Variants in CDK8 observed in about 807,000 individuals in gnomAD.
CDK8 encodes the protein cyclin-dependent kinase 8.
In CDK8, 29 loss-of-function variants were observed where a neutral mutation model predicts 71.5. The observed-to-expected ratio is 0.41, with a 90% confidence interval of 0.30 to 0.55. The LOEUF (loss-of-function observed/expected upper bound fraction) is 0.55, where lower values mean the gene tolerates loss of function less well. Among genes scored for constraint, CDK8 ranks in the 20% least tolerant of loss-of-function variants. The probability of loss-of-function intolerance (pLI) is 0.37; values close to 1 mark genes in which losing one functional copy is unlikely to be tolerated. For synonymous variants in CDK8, 161 were observed against 192.1 expected (o/e 0.84, Z 1.34); for missense variants, 288 against 572.6 (o/e 0.50, Z 5.07).
chr13:26,288,599 AAC>A lies in CDK8; in HGVS notation c.128+33838_128+33839del, dbSNP rs370223310. Among the ~76,000 whole-genome samples the A allele has an allele frequency of 2.0e-4, 31 of 151,604 alleles. No homozygotes were observed. The East Asian group carries it at 4.8e-3, about 24-fold the overall frequency. On this transcript the variant is annotated intron_variant, in intron 1 of 12. Transcript: ENST00000381527. ...TTTCTACCCCACCCCACCCCCCACA[AAC>A]ACACACATAAACACACTACTAGGAT...
chr13:26,322,108 A>T (rs1220683957), intron 1 of CDK8, among the ~76,000 whole-genome samples: 1 of 152,124 alleles, frequency 6.6e-6, no homozygotes, highest in African/African-American at 2.4e-5. Flanking sequence ...TTACAGAGAA[A>T]TGGGCCTTTT....
At chr13:26,301,469 G>A (rs574526863) in intron 1 of CDK8, among the ~76,000 whole-genome samples, 16 of 152,246 alleles carry the variant, frequency 1.1e-4, no homozygotes, top group Non-Finnish European at 2.2e-4. Context: ...AAGAAAGAAT[G>A]TTCCTCTGTT....
intron 2 of CDK8, among the ~76,000 whole-genome samples, chr13:26,338,189 G>T (rs1395951249): frequency 6.6e-6 from 1 of 152,004 alleles, no homozygotes; most frequent in Non-Finnish European, 1.5e-5. Context: ...CATTTAAACT[G>T]AGTGTTACTT....
At chr13:26,317,541 C>A (rs932998204) in intron 1 of CDK8, among the ~76,000 whole-genome samples, 9 of 152,050 alleles carry the variant, frequency 5.9e-5, no homozygotes, top group African/African-American at 2.2e-4. Context: ...ATATGTTAGA[C>A]CACAGATTGA....
intron 1 of CDK8, among the ~76,000 whole-genome samples, chr13:26,263,964 G>A (rs1871907496): frequency 6.8e-6 from 1 of 146,972 alleles, no homozygotes; most frequent in African/African-American, 2.5e-5. Context: ...AGCCAGGATG[G>A]TCTTGATCTC....
chr13:26,373,406 A>C (rs563346120), intron 4 of CDK8, among the ~76,000 whole-genome samples: 1 of 152,334 alleles, frequency 6.6e-6, no homozygotes, highest in East Asian at 1.9e-4. Context: ...ACTGCTGGAC[A>C]TAATTACAGC....
At chr13:26,279,432 A>G (rs1872664043) in intron 1 of CDK8, among the ~76,000 whole-genome samples, 2 of 152,072 alleles carry the variant, frequency 1.3e-5, no homozygotes, top group South Asian at 4.1e-4. Flanking sequence ...GGGACAGCCC[A>G]TTGTTTTTGC....
intron 1 of CDK8, among the ~76,000 whole-genome samples, chr13:26,260,048 G>T (rs1256257206): frequency 6.6e-6 from 1 of 152,112 alleles, no homozygotes; most frequent in Non-Finnish European, 1.5e-5. Flanking sequence ...AGACAGGGAA[G>T]GTCTCATCAG....
chr13:26,323,298 T>TGA lies in CDK8; in HGVS notation c.129-14241_129-14240dup, dbSNP rs10523917. The stretch of plus-strand genomic sequence containing the variant: ...TGTCTTCTCACTGTGTCCTCACATG[T>TGA]GAGAGAGAGAGAGAGAGAGAGAGAG... On this transcript the variant is annotated intron_variant, in intron 1 of 12. Transcript: ENST00000381527. Among the ~76,000 whole-genome samples, 87 of 132,180 alleles carry TGA rather than the reference T, an allele frequency of 6.6e-4. 2 individuals carry two copies. In the South Asian group the frequency reaches 0.01, roughly 15 times the overall value. 86.7% of individuals were successfully genotyped at this position (132,180 alleles called of 152,430 possible).
chr13:26,399,278 G>A (rs1876143578), intron 9 of CDK8, among the ~76,000 whole-genome samples: 1 of 152,142 alleles, frequency 6.6e-6, no homozygotes, highest in Non-Finnish European at 1.5e-5. Context: ...CCAAAGTGCT[G>A]GGATTACAGG....
At chr13:26,316,375 A>G (rs74040499) in intron 1 of CDK8, among the ~76,000 whole-genome samples, 9,800 of 152,182 alleles carry the variant, frequency 0.064, 1,032 homozygotes, top group African/African-American at 0.22. Flanking sequence ...CAACAACAGT[A>G]AAAAGAGAGA....
intron 1 of CDK8, among the ~76,000 whole-genome samples, chr13:26,259,021 C>T (rs1204059342): frequency 6.6e-6 from 1 of 152,178 alleles, no homozygotes; most frequent in Admixed American, 6.5e-5. Flanking sequence ...CACAAAGGAA[C>T]TCTTCTGATT....
chr13:26,310,740 C>G lies in CDK8; in HGVS notation c.129-26827C>G, dbSNP rs565819137. Among the ~76,000 whole-genome samples, 11 of 152,188 alleles carry G rather than the reference C, an allele frequency of 7.2e-5. No individual in the cohort carries two copies. In the East Asian group the frequency reaches 1.7e-3, roughly 24 times the overall value. On this transcript the variant is annotated intron_variant, in intron 1 of 12. Transcript: ENST00000381527. Reference sequence around the variant, plus strand: ...GCCCAGTTCCTAACAGGCCATGGACCCTTATTGGTCTGAGGCCCTGGGGGT... The same window carrying G: ...GCCCAGTTCCTAACAGGCCATGGACGCTTATTGGTCTGAGGCCCTGGGGGT...
At chr13:26,383,852 T>G (rs1875347212) in intron 5 of CDK8, among the ~76,000 whole-genome samples, 1 of 152,204 alleles carries the variant, frequency 6.6e-6, no homozygotes, top group African/African-American at 2.4e-5. Flanking sequence ...CTTAACATAC[T>G]CCAAGTTTGG....
intron 1 of CDK8, among the ~76,000 whole-genome samples, chr13:26,264,493 CTATT>C (rs1028617089): frequency 1.3e-5 from 2 of 152,046 alleles, no homozygotes; most frequent in Admixed American, 6.6e-5. Flanking sequence ...TATTTGGTAA[CTATT>C]TACTGAATGT....
chr13:26,403,882 A>C, intron 12 of CDK8, 74 bp from the exon 13 acceptor site: 2 of 1,543,094 alleles, frequency 1.3e-6, no homozygotes, highest in South Asian at 2.3e-5. Context: ...ACATAATGAC[A>C]CTTCAGTCAC....
At position 26,334,981 on chromosome 13, in the gene CDK8, G is replaced by A. The variant is rs116840165; in HGVS notation, c.129-2586G>A. ...GATGGAATAGACGTTTCTCCTTCAA[G>A]CCAGAGAGCAAAGACCCTGAAAGCT... is the stretch of plus-strand genomic sequence containing the variant. On this transcript the variant is annotated intron_variant, in intron 1 of 12. Transcript: ENST00000381527. 6.5e-3 allele frequency among the ~76,000 whole-genome samples: 997 copies of A among 152,226 alleles called. 10 individuals are homozygous for A. The highest frequency in any genetic ancestry group is 0.021 in the African/African-American group (867 of 41,542).
chr13:26,342,026 T>C (rs1192652229), intron 2 of CDK8, among the ~76,000 whole-genome samples: 1 of 152,140 alleles, frequency 6.6e-6, no homozygotes, highest in Non-Finnish European at 1.5e-5. Context: ...GTTCAAGCGA[T>C]TCTTCTGCCT....
chr13:26,380,494 G>GT (rs922352293), intron 4 of CDK8, among the ~76,000 whole-genome samples: 1 of 151,108 alleles, frequency 6.6e-6, no homozygotes, highest in Non-Finnish European at 1.5e-5. Context: ...TTTTGTATTT[G>GT]TTTTTTTGAG....
Sources: allele counts gnomAD v4.1 joint callset (sites outside exome capture counted in the v4.1 genomes callset), GRCh38; gene constraint gnomAD v4.1.1; transcripts MANE v1.5; gene names NCBI Gene and HGNC (gene_info 2026-07-23, HGNC 2026-07-21).